GAS6: variants seen among roughly 807,000 people sequenced by gnomAD.
GAS6 encodes the protein growth arrest specific 6, also known as growth arrest-specific protein 6.
GAS6 carries 41 observed loss-of-function variants against 75.8 expected under a neutral mutation model. The ratio of observed to expected loss-of-function variants is 0.54; its 90% confidence interval spans 0.42 to 0.70. The LOEUF is 0.70. Ranked by LOEUF, GAS6 falls within the 30% of genes least tolerant of loss-of-function variation. The pLI is 0.00. For missense variants in GAS6, 854 were observed against 940.2 expected (o/e 0.91, Z 1.20); for synonymous variants, 432 against 412.6 (o/e 1.05, Z -0.57).
intron 2 of GAS6, among the ~76,000 whole-genome samples, chr13:113,859,295 T>A (rs1011840863): frequency 6.6e-6 from 1 of 151,960 alleles, no homozygotes; most frequent in Non-Finnish European, 1.5e-5. Flanking sequence ...AATGTGTGCA[T>A]GTATGTGTAC....
chr13:113,850,715 T>C (rs2051866441), intron 2 of GAS6, among the ~76,000 whole-genome samples: 1 of 151,974 alleles, frequency 6.6e-6, no homozygotes, highest in African/African-American at 2.4e-5. Context: ...AGTGGATGAG[T>C]GCGTGAAAGA....
intron 4 of GAS6, chr13:113,843,137 C>G (rs748350891): frequency 6.3e-6 from 2 of 315,196 alleles, no homozygotes; most frequent in Admixed American, 1.0e-4. Context: ...TGCAGGCCCC[C>G]GAGGGCACCC....
At position 113,820,694 on chromosome 13, in the gene GAS6, G is replaced by T; in HGVS notation, c.*170C>A. The T allele has an allele frequency of 1.3e-6, 1 of 770,594 alleles. No individual in the cohort carries two copies. The highest frequency in any genetic ancestry group is 2.0e-6 in the Non-Finnish European group (1 of 497,144). 47.7% of individuals were successfully genotyped at this position (770,594 alleles called of 1,614,324 possible). A position where few individuals can be genotyped will look rare whatever the true frequency, so the allele number is the denominator to read the frequency against. The stretch of plus-strand genomic sequence containing the variant: ...CGCGCCCGGGCCCACGGCTGAGTGC[G>T]CGGCGTCAGAGGCCCCAAGTCCATC... On this transcript the variant is annotated 3_prime_UTR_variant, in exon 15 of 15. Coordinates refer to ENST00000327773, the MANE Select transcript of GAS6 (RefSeq NM_000820.4).
chr13:113,863,856 A>G lies in GAS6; in HGVS notation c.65T>C (p.Leu22Pro). 1 of 1,252,622 alleles carries G rather than the reference A, an allele frequency of 8.0e-7. No homozygotes were observed. The highest frequency in any genetic ancestry group is 1.6e-5 in the African/African-American group (1 of 63,554). The allele number at this position is 1,252,622 out of a possible 1,614,324, so 77.6% of individuals were successfully genotyped here. The change falls in exon 1 of 15, where the codon CTG becomes CCG. Residue 22 changes from leucine to proline, a missense_variant. Coordinates refer to ENST00000327773, the MANE Select transcript of GAS6 (RefSeq NM_000820.4). The surrounding 1 kb of genome is among the most constrained non-coding windows in gnomAD (Gnocchi z 9.4). ...LRRAPQLLLL[L>P]LAAECALAAL... ...ACCAAGCGCGCACTCCGCGGCCAGC[A>G]GCAGCAGCAGCAGCTGCGGCGCGCG...
At chr13:113,821,317 AGG>A in intron 14 of GAS6, 1 of 445,142 alleles carries the variant, frequency 2.2e-6, no homozygotes, top group South Asian at 3.1e-5. Context: ...TTCAGGCTGC[AGG>A]CCTCCTGGCT....
chr13:113,854,786 T>C (rs1443648984), intron 2 of GAS6, among the ~76,000 whole-genome samples: 1 of 152,052 alleles, frequency 6.6e-6, no homozygotes, highest in African/African-American at 2.4e-5. Flanking sequence ...CACACAGCTG[T>C]TGGATGGGAG....
At chr13:113,852,013 G>A (rs554465497) in intron 2 of GAS6, among the ~76,000 whole-genome samples, 7 of 152,346 alleles carry the variant, frequency 4.6e-5, no homozygotes, top group East Asian at 1.9e-4. Context: ...CGGCAGGGAC[G>A]ACTTGGAGGG....
At chr13:113,858,865 G>C (rs1051778150) in intron 2 of GAS6, among the ~76,000 whole-genome samples, 21 of 122,808 alleles carry the variant, frequency 1.7e-4, no homozygotes, top group African/African-American at 6.7e-4. Flanking sequence ...CATTATGCAT[G>C]TGTGTACATG....
Position 113,827,122 on chromosome 13 carries a change from G to C in GAS6, c.1351C>G (p.Leu451Val). The C allele has an allele frequency of 6.2e-7, 1 of 1,613,482 alleles. No homozygotes were observed. Among genetic ancestry groups the C allele is most frequent in the Non-Finnish European group, 8.5e-7 (1 of 1,179,908 alleles). ...LDGCMRSWNWLNGEDTTIQET... is the reference protein window; with the variant it reads ...LDGCMRSWNWVNGEDTTIQET... ...TGGATGGTGGTGTCTTCTCCGTTCA[G>C]CCAGTTCCAGCTCCTCATGCAGCCA... Residue 451 changes from leucine (L) to valine (V), a missense_variant, in exon 12 of 15, where the codon CTG becomes GTG. By Grantham distance (32) the Leu-to-Val change is conservative. Transcript: ENST00000327773.
chr13:113,831,219 G>T (rs1399619620), intron 10 of GAS6, among the ~76,000 whole-genome samples: 1 of 152,214 alleles, frequency 6.6e-6, no homozygotes, highest in African/African-American at 2.4e-5. Context: ...CCCTCAGGTT[G>T]CCCATGGGGC....
rs142571325 is a variant in GAS6, at chr13:113,838,849, CAG to C, written c.467-660_467-659del. Among the ~76,000 whole-genome samples the C allele has an allele frequency of 6.5e-3, 972 of 148,980 alleles. 11 individuals are homozygous for C. The highest frequency in any genetic ancestry group is 0.023 in the African/African-American group (924 of 40,404). Reference sequence around the variant, plus strand: ...GGGAGTGCACAGCCCAGCCCCCGAGCAGAGAGAGATCCTAGAGGTGCACAGCC... The same window carrying C: ...GGGAGTGCACAGCCCAGCCCCCGAGCAGAGAGATCCTAGAGGTGCACAGCC... On this transcript the variant is annotated intron_variant, in intron 5 of 14. Transcript: ENST00000327773.
intron 8 of GAS6, chr13:113,833,593 G>GCA (rs2051656803): frequency 4.9e-6 from 5 of 1,021,754 alleles, no homozygotes; most frequent in African/African-American, 1.7e-5. Flanking sequence ...AGTGTGACAG[G>GCA]TCGGTGTGAC....
At chr13:113,822,216 T>C in intron 13 of GAS6, 30 bp from the exon 14 acceptor site, 7 of 1,479,476 alleles carry the variant, frequency 4.7e-6, no homozygotes. Flanking sequence ...GGTCAGGGCC[T>C]GCCGGCCACC....
Position 113,863,869 on chromosome 13 carries a change from G to GCAC in GAS6, c.51_52insGTG (p.Gln17_Leu18insVal). The GCAC allele has an allele frequency of 3.2e-6, 4 of 1,235,942 alleles. No individual in the cohort carries two copies. The highest frequency in any genetic ancestry group is 4.0e-6 in the Non-Finnish European group (4 of 992,782). 76.6% of individuals were successfully genotyped at this position (1,235,942 alleles called of 1,614,324 possible). On this transcript the variant is annotated inframe_insertion, in exon 1 of 15. Coordinates refer to ENST00000327773, the MANE Select transcript of GAS6 (RefSeq NM_000820.4). The surrounding 1 kb of genome is among the most constrained non-coding windows in gnomAD (Gnocchi z 9.4). ...TCCGCGGCCAGCAGCAGCAGCAGCA[G>GCAC]CTGCGGCGCGCGGCGCAGGGCGGCG... is the stretch of plus-strand genomic sequence containing the variant.
At chr13:113,838,259 T>A (rs994127894) in intron 5 of GAS6, 68 bp from the exon 6 acceptor site, 157 of 1,583,380 alleles carry the variant, frequency 9.9e-5, no homozygotes, top group Non-Finnish European at 1.3e-4. Context: ...TAGGAAGAGA[T>A]CCCAGAGGTG....
At chr13:113,840,108 T>TG in intron 4 of GAS6, 2 of 486,716 alleles carry the variant, frequency 4.1e-6, no homozygotes, top group Non-Finnish European at 7.2e-6. Flanking sequence ...GGACGCAAGG[T>TG]GGGAAGGGCT....
At chr13:113,832,979 C>T (rs1321563307) in intron 8 of GAS6, 1 of 1,431,848 alleles carries the variant, frequency 7.0e-7, no homozygotes, top group African/African-American at 1.4e-5. Context: ...TCTCGGGGGT[C>T]CCCGTCATCT....
At chr13:113,835,449 G>A (rs2051689929) in intron 7 of GAS6, 64 bp downstream of exon 7, 1 of 1,579,402 alleles carries the variant, frequency 6.3e-7, no homozygotes, top group Non-Finnish European at 8.7e-7. Flanking sequence ...CTCGGGCAGT[G>A]ACTGGCACCC....
intron 4 of GAS6, chr13:113,843,064 G>A (rs1029880651): frequency 5.2e-6 from 2 of 388,018 alleles, no homozygotes; most frequent in Admixed American, 4.5e-5. Flanking sequence ...GTCAGCCGGT[G>A]CCCAGCAAAT....
Sources: allele counts gnomAD v4.1 joint callset (sites outside exome capture counted in the v4.1 genomes callset), GRCh38; gene constraint gnomAD v4.1.1; non-coding constraint Gnocchi (gnomAD v3.1); transcripts MANE v1.5; gene names NCBI Gene and HGNC (gene_info 2026-07-23, HGNC 2026-07-21).